Variants in GPBP1L1 observed in about 807,000 individuals in gnomAD.
GPBP1L1 encodes the protein vasculin-like protein 1.
GPBP1L1 carries 23 observed loss-of-function variants against 52.5 expected under a neutral mutation model. The ratio of observed to expected loss-of-function variants is 0.44; its 90% CI spans 0.32 to 0.62. The LOEUF is 0.62. Ranked by LOEUF, GPBP1L1 falls within the 20% of genes least tolerant of loss-of-function variation. The pLI is 0.06. For missense variants in GPBP1L1, 596 were observed against 579.3 expected (o/e 1.03, Z -0.30); for synonymous variants, 243 against 203.1 (o/e 1.20, Z -1.67).
At position 45,681,491 on chromosome 1, in the gene GPBP1L1, C is replaced by T. The variant is rs548936252; in HGVS notation, c.-1098+4085G>A. 3.9e-5 allele frequency among the ~76,000 whole-genome samples: 6 copies of T among 152,206 alleles called. No individual in the cohort carries two copies. In the South Asian group the frequency reaches 1.2e-3, roughly 32 times the overall value. On this transcript the variant is annotated intron_variant, in intron 2 of 12. Transcript: ENST00000355105. ...AATTGCAGTTTGTGGGACCTAGATC[C>T]TGATTCAAATAAATTACAAAGGTCA...
At chr1:45,666,182 G>A (rs1377361690) in intron 2 of GPBP1L1, among the ~76,000 whole-genome samples, 2 of 151,462 alleles carry the variant, frequency 1.3e-5, no homozygotes, top group African/African-American at 4.9e-5. Flanking sequence ...GAGTGCAGTG[G>A]CACCCACTGC....
At chr1:45,676,013 C>T (rs1484634734) in intron 2 of GPBP1L1, among the ~76,000 whole-genome samples, 1 of 152,150 alleles carries the variant, frequency 6.6e-6, no homozygotes, top group Non-Finnish European at 1.5e-5. Context: ...GACTGTATAA[C>T]CTTACAGTAG....
intron 11 of GPBP1L1, 77 bp downstream of exon 11, chr1:45,630,402 TATC>T: frequency 6.7e-7 from 1 of 1,501,206 alleles, no homozygotes. Context: ...GGGACCTATC[TATC>T]TGAGATATCT....
intron 3 of GPBP1L1, 129 bp from the exon 4 acceptor site, chr1:45,659,271 T>A: frequency 1.7e-6 from 1 of 582,284 alleles, no homozygotes. Flanking sequence ...TACAGATTAC[T>A]TACCAAGCCT....
intron 6 of GPBP1L1, among the ~76,000 whole-genome samples, chr1:45,643,032 T>C (rs1031497420): frequency 6.6e-6 from 1 of 152,006 alleles, no homozygotes; most frequent in Non-Finnish European, 1.5e-5. Flanking sequence ...TTAAGTACAA[T>C]AAAAGGTTAC....
chr1:45,644,641 T>C (rs561902081), intron 6 of GPBP1L1, among the ~76,000 whole-genome samples: 2 of 152,306 alleles, frequency 1.3e-5, no homozygotes, highest in East Asian at 3.9e-4. Context: ...AATCTACTAG[T>C]TTTTAGAAAA....
chr1:45,644,869 C>T (rs1177986772), intron 6 of GPBP1L1, among the ~76,000 whole-genome samples: 3 of 152,160 alleles, frequency 2.0e-5, no homozygotes, highest in Admixed American at 2.0e-4. Context: ...AAGTAGTATA[C>T]TTCCATAAAT....
chr1:45,636,378 A>T (rs986336641), intron 8 of GPBP1L1, among the ~76,000 whole-genome samples: 1 of 152,190 alleles, frequency 6.6e-6, no homozygotes, highest in African/African-American at 2.4e-5. Flanking sequence ...GCAATTACTT[A>T]TAACTGTTTC....
chr1:45,643,189 C>T (rs890742597), intron 6 of GPBP1L1, among the ~76,000 whole-genome samples: 4 of 152,104 alleles, frequency 2.6e-5, no homozygotes, highest in Admixed American at 6.5e-5. Context: ...GCTGGAAAAA[C>T]GGTAATTCCA....
Position 45,627,835 on chromosome 1 carries a change from T to C in GPBP1L1, c.*421A>G, listed in dbSNP as rs1291014863. The C allele has an allele frequency of 6.5e-6, 1 of 153,772 alleles. No individual in the cohort carries two copies. Among genetic ancestry groups the C allele is most frequent in the Non-Finnish European group, 1.4e-5 (1 of 69,076 alleles). 9.5% of individuals were successfully genotyped at this position (153,772 alleles called of 1,614,324 possible). A position where few individuals can be genotyped will look rare whatever the true frequency, so the allele number is the denominator to read the frequency against. On this transcript the variant is annotated 3_prime_UTR_variant, in exon 13 of 13. Coordinates refer to ENST00000355105, the MANE Select transcript of GPBP1L1 (RefSeq NM_021639.5). ...AAAATATCCAAATTATTAGCATTAA[T>C]TTAATACAATTATAACTTCAATAGT...
chr1:45,659,195 G>C (rs993346211), intron 3 of GPBP1L1, 53 bp from the exon 4 acceptor site: 5 of 1,030,604 alleles, frequency 4.9e-6, no homozygotes, highest in Non-Finnish European at 7.4e-6. Context: ...TGATACCAAT[G>C]TGTAAAGGAA....
intron 1 of GPBP1L1, among the ~76,000 whole-genome samples, 157 bp from the exon 2 acceptor site, chr1:45,685,777 T>C (rs984733582): frequency 1.3e-5 from 2 of 152,124 alleles, no homozygotes; most frequent in African/African-American, 2.4e-5. Context: ...ATTTCACGGG[T>C]TGGGGAGAAC....
intron 4 of GPBP1L1, among the ~76,000 whole-genome samples, chr1:45,658,474 C>G (rs896074370): frequency 2.6e-5 from 4 of 151,814 alleles, no homozygotes. Flanking sequence ...AAGTGAGATA[C>G]TTAAAAAAAG....
Position 45,660,551 on chromosome 1 carries a change from A to G in GPBP1L1, c.-423T>C, listed in dbSNP as rs1026288775. ...TGTTGCTTAATTAGGTAAGACATGG[A>G]TATTTGCACCGAGTGCAAATACTGT... On this transcript the variant is annotated 5_prime_UTR_variant, in exon 3 of 13. Coordinates refer to ENST00000355105, the MANE Select transcript of GPBP1L1 (RefSeq NM_021639.5). 2.5e-4 allele frequency: 247 copies of G among 985,134 alleles called. No homozygotes were observed. The highest frequency in any genetic ancestry group is 2.9e-4 in the Non-Finnish European group (241 of 829,778). The allele number at this position is 985,134 out of a possible 1,614,324, so 61.0% of individuals were successfully genotyped here.
At chr1:45,656,456 C>T (rs1644885638) in intron 4 of GPBP1L1, among the ~76,000 whole-genome samples, 1 of 152,110 alleles carries the variant, frequency 6.6e-6, no homozygotes, top group Non-Finnish European at 1.5e-5. Context: ...AGATTTTCTC[C>T]TGTTTTCTCT....
At chr1:45,638,478 C>T (rs922677373) in intron 8 of GPBP1L1, among the ~76,000 whole-genome samples, 4 of 152,192 alleles carry the variant, frequency 2.6e-5, no homozygotes, top group Non-Finnish European at 4.4e-5. Context: ...CAAACTCACC[C>T]ACTTGTATTT....
At position 45,660,698 on chromosome 1, in the gene GPBP1L1, T is replaced by A. The variant is rs1431096097; in HGVS notation, c.-570A>T. The A allele has an allele frequency of 4.3e-6, 1 of 233,004 alleles. No individual in the cohort carries two copies. The highest frequency in any genetic ancestry group is 7.0e-6 in the Non-Finnish European group (1 of 142,104). 14.4% of individuals were successfully genotyped at this position (233,004 alleles called of 1,614,324 possible). On this transcript the variant is annotated 5_prime_UTR_variant, in exon 3 of 13. It removes an upstream start codon present in the reference 5' UTR. Transcript: ENST00000355105. The stretch of plus-strand genomic sequence containing the variant: ...GATCTGAGCAGTCAACTCCAAAACA[T>A]CCACATGACAAAGTCCTTAAAATAC...
intron 2 of GPBP1L1, among the ~76,000 whole-genome samples, chr1:45,673,606 A>C (rs909374774): frequency 1.5e-4 from 23 of 152,250 alleles, no homozygotes; most frequent in Admixed American, 1.4e-3. Flanking sequence ...TCACGCCTGT[A>C]ATCCCAGCAC....
chr1:45,629,760 T>C, intron 11 of GPBP1L1, 82 bp from the exon 12 acceptor site: 2 of 948,520 alleles, frequency 2.1e-6, no homozygotes, highest in Admixed American at 3.7e-5. Flanking sequence ...CACAGAAAAG[T>C]TTTCTGCCCA....
Sources: allele counts gnomAD v4.1 joint callset (sites outside exome capture counted in the v4.1 genomes callset), GRCh38; gene constraint gnomAD v4.1.1; transcripts MANE v1.5; gene names NCBI Gene and HGNC (gene_info 2026-07-23, HGNC 2026-07-21).